The following TNKS variants were observed in gnomAD, a reference collection of about 807,000 sequenced individuals.
The protein encoded by TNKS is poly [ADP-ribose] polymerase tankyrase-1.
Under a neutral mutation model 135.8 loss-of-function variants are expected in TNKS, and 72 were observed. The observed-to-expected ratio is 0.53, with a 90% CI of 0.44 to 0.64. TNKS has a LOEUF of 0.64. Among genes scored for constraint, TNKS ranks in the 30% least tolerant of loss-of-function variants. TNKS has a pLI of 0.00. For missense variants in TNKS, 1,769 were observed against 1,674.0 expected (o/e 1.06, Z -0.99); for synonymous variants, 849 against 649.3 (o/e 1.31, Z -4.68).
chr8:9,573,089 G>A (rs1004143568), intron 1 of TNKS, among the ~76,000 whole-genome samples: 3 of 151,878 alleles, frequency 2.0e-5, no homozygotes, highest in Non-Finnish European at 4.4e-5. Flanking sequence ...TTTTCTTAAT[G>A]TTTCTAAAGA....
At chr8:9,765,395 A>G (rs1484631362) in intron 23 of TNKS, among the ~76,000 whole-genome samples, 1 of 152,140 alleles carries the variant, frequency 6.6e-6, no homozygotes, top group Non-Finnish European at 1.5e-5. Context: ...CCTAAAATGT[A>G]TTAAGTCTGG....
At chr8:9,599,703 G>A (rs576828019) in intron 2 of TNKS, among the ~76,000 whole-genome samples, 148 of 152,130 alleles carry the variant, frequency 9.7e-4, no homozygotes, top group African/African-American at 3.5e-3. Flanking sequence ...TTGCAAAAAG[G>A]ATAAAATTGA....
intron 1 of TNKS, chr8:9,566,582 A>AT (rs1797550133): frequency 7.0e-6 from 1 of 142,470 alleles, no homozygotes; most frequent in Non-Finnish European, 1.5e-5. Flanking sequence ...ATCCTCGTAT[A>AT]TTAGCCCAGT....
intron 13 of TNKS, among the ~76,000 whole-genome samples, chr8:9,730,264 A>T (rs919923864): frequency 6.6e-6 from 1 of 152,160 alleles, no homozygotes; most frequent in Non-Finnish European, 1.5e-5. Flanking sequence ...GATTTGGAGG[A>T]CATCTCTGAA....
chr8:9,656,382 A>C (rs915031315), intron 3 of TNKS, among the ~76,000 whole-genome samples: 2 of 152,010 alleles, frequency 1.3e-5, no homozygotes, highest in Admixed American at 6.5e-5. Flanking sequence ...TTCAGGAAAT[A>C]CAGAGAACTC....
At chr8:9,612,288 C>T (rs1451263381) in intron 2 of TNKS, among the ~76,000 whole-genome samples, 3 of 152,090 alleles carry the variant, frequency 2.0e-5, no homozygotes, top group African/African-American at 7.2e-5. Flanking sequence ...TTTGAAACAA[C>T]AGACATAGTT....
At chr8:9,634,392 A>G (rs973687133) in intron 3 of TNKS, among the ~76,000 whole-genome samples, 2 of 152,210 alleles carry the variant, frequency 1.3e-5, no homozygotes, top group South Asian at 4.1e-4. Context: ...AATCTAAGTA[A>G]CTTTTGAACG....
chr8:9,720,746 T>TA (rs1035802421), intron 12 of TNKS, among the ~76,000 whole-genome samples: 7 of 152,114 alleles, frequency 4.6e-5, no homozygotes, highest in Admixed American at 3.3e-4. Flanking sequence ...CAGCTTTTAG[T>TA]TTTTTTAGGT....
At chr8:9,610,506 CAT>C (rs1276823331) in intron 2 of TNKS, among the ~76,000 whole-genome samples, 12 of 151,956 alleles carry the variant, frequency 7.9e-5, no homozygotes, top group Non-Finnish European at 1.0e-4. Flanking sequence ...TCTTAAAGCT[CAT>C]GTGTATTGGT....
At chr8:9,763,347 C>CTAT (rs1807251140) in intron 22 of TNKS, 103 bp downstream of exon 22, 5 of 659,812 alleles carry the variant, frequency 7.6e-6, no homozygotes, top group Non-Finnish European at 9.8e-6. Flanking sequence ...GGTCACATGC[C>CTAT]TATTAATCAG....
intron 26 of TNKS, among the ~76,000 whole-genome samples, chr8:9,771,207 AAGAG>A (rs375534457): frequency 2.2e-5 from 3 of 137,486 alleles, no homozygotes; most frequent in Non-Finnish European, 3.1e-5. Flanking sequence ...GTGAGGGAGG[AAGAG>A]AGAGAGGAAG....
At chr8:9,664,435 A>T (rs891470824) in intron 3 of TNKS, among the ~76,000 whole-genome samples, 2 of 152,188 alleles carry the variant, frequency 1.3e-5, no homozygotes, top group African/African-American at 4.8e-5. Context: ...CATGACTCAG[A>T]CACCTCTTAC....
chr8:9,655,183 C>T (rs180956323), intron 3 of TNKS, among the ~76,000 whole-genome samples: 2,057 of 152,246 alleles, frequency 0.014, 50 homozygotes, highest in African/African-American at 0.047. Flanking sequence ...AAGGCAGCAG[C>T]GAGGCTGGGG....
intron 5 of TNKS, among the ~76,000 whole-genome samples, chr8:9,699,496 A>G (rs981795214): frequency 1.3e-5 from 2 of 151,958 alleles, no homozygotes; most frequent in East Asian, 3.9e-4. Context: ...TTCTCTTTGC[A>G]GTCTGCCATT....
intron 17 of TNKS, among the ~76,000 whole-genome samples, chr8:9,743,797 C>G (rs1367065115): frequency 6.6e-6 from 1 of 152,156 alleles, no homozygotes; most frequent in East Asian, 1.9e-4. Flanking sequence ...CCCACAGTTC[C>G]TGTACTAAGC....
In TNKS at chr8:9,726,610, A is replaced by G. The variant is rs77584899; in HGVS notation, c.1922-31A>G. 23 of 1,522,136 alleles carry G rather than the reference A, an allele frequency of 1.5e-5. No homozygotes were observed. In the East Asian group the frequency reaches 5.0e-4, roughly 33 times the overall value. 94.3% of individuals were successfully genotyped at this position (1,522,136 alleles called of 1,614,324 possible). A position where few individuals can be genotyped will look rare whatever the true frequency, so the allele number is the denominator to read the frequency against. On this transcript the variant is annotated intron_variant, in intron 12 of 26. Coordinates refer to ENST00000310430, the MANE Select transcript of TNKS (RefSeq NM_003747.3). ...AGTTGGAATATATGAGTTTGGATAT[A>G]TATATGAGTTCTTTCCTTCCTTTTA...
rs568076821 is a variant in TNKS, at chr8:9,612,293, A to G, written c.899-3289A>G. Among the ~76,000 whole-genome samples the G allele has an allele frequency of 2.6e-5, 4 of 152,342 alleles. No individual in the cohort carries two copies. The South Asian group carries it at 8.3e-4, about 32-fold the overall frequency. On this transcript the variant is annotated intron_variant, in intron 2 of 26. Coordinates refer to ENST00000310430, the MANE Select transcript of TNKS (RefSeq NM_003747.3). ...AGAAGGTAATTTTGAAACAACAGAC[A>G]TAGTTCTAAATACCTTCAGTTTCAG...
At chr8:9,581,822 C>A (rs1246772180) in intron 2 of TNKS, among the ~76,000 whole-genome samples, 2 of 152,006 alleles carry the variant, frequency 1.3e-5, no homozygotes, top group Non-Finnish European at 2.9e-5. Context: ...TATTTCTCGC[C>A]TCCTCCTCTT....
chr8:9,583,395 T>C (rs188098310), intron 2 of TNKS, among the ~76,000 whole-genome samples: 158 of 152,322 alleles, frequency 1.0e-3, no homozygotes, highest in Non-Finnish European at 9.1e-4. Context: ...CAATACATTT[T>C]CTGCCTTTAG....
Sources: gnomAD v4.1 joint callset for allele counts (sites outside exome capture counted in the v4.1 genomes callset) on GRCh38, gnomAD v4.1.1 for gene constraint, MANE v1.5 for transcripts, NCBI Gene and HGNC (gene_info 2026-07-23, HGNC 2026-07-21) for gene names.